PSD3: variants seen among roughly 807,000 people sequenced by gnomAD.
PSD3 encodes PH and SEC7 domain-containing protein 3.
In PSD3, 49 loss-of-function variants were observed where a neutral mutation model predicts 105.5. The observed-to-expected ratio is 0.46, with a 90% confidence interval of 0.37 to 0.59. The LOEUF (loss-of-function observed/expected upper bound fraction) is 0.59. Among genes scored for constraint, PSD3 ranks in the 20% least tolerant of loss-of-function variants. PSD3 has a pLI of 0.00. For synonymous variants in PSD3, 557 were observed against 457.8 expected, an observed-to-expected ratio of 1.22 and a Z score of -2.77; for missense variants, 1,561 against 1,263.8, an observed-to-expected ratio of 1.24 and a Z score of -3.57.
At chr8:18,978,993 G>A (rs1309104649) in intron 1 of PSD3, among the ~76,000 whole-genome samples, 1 of 152,120 alleles carries the variant, frequency 6.6e-6, no homozygotes, top group Non-Finnish European at 1.5e-5. Context: ...AGATGCCTGT[G>A]TTCCTTCTGG....
chr8:19,060,106 G>A (rs1239637861), intron 1 of PSD3, among the ~76,000 whole-genome samples: 51 of 152,286 alleles, frequency 3.3e-4, no homozygotes, highest in Admixed American at 2.5e-3. Context: ...GAAAATCCAG[G>A]TTTTTGCTGA....
intron 10 of PSD3, among the ~76,000 whole-genome samples, chr8:18,638,242 T>G (rs539332268): frequency 1.3e-5 from 2 of 151,214 alleles, no homozygotes; most frequent in East Asian, 3.9e-4. Context: ...GTTTTTCCTC[T>G]AAGACCATGA....
intron 1 of PSD3, among the ~76,000 whole-genome samples, chr8:18,937,399 A>G (rs2129469167): frequency 6.6e-6 from 1 of 152,306 alleles, no homozygotes; most frequent in South Asian, 2.1e-4. Flanking sequence ...AAGGGTTTTA[A>G]CAGCAACGAA....
rs1206961139 is a variant in PSD3, at chr8:19,007,326, T to G, written c.21+6237A>C. 2.6e-5 allele frequency among the ~76,000 whole-genome samples: 4 copies of G among 152,048 alleles called. 1 individual carries two copies. The highest frequency in any genetic ancestry group is 5.9e-5 in the Non-Finnish European group (4 of 67,990). On this transcript the variant is annotated intron_variant, in intron 1 of 15. Transcript: ENST00000327040. ...ATGCCATCTATTAAAAAAGCACTTTTGCTGTAAAGTTGCCCTAATATAGTA... is the reference window on the plus strand; with the variant it reads ...ATGCCATCTATTAAAAAAGCACTTTGGCTGTAAAGTTGCCCTAATATAGTA...
At chr8:18,754,149 C>A (rs74722984) in intron 9 of PSD3, among the ~76,000 whole-genome samples, 1 of 152,122 alleles carries the variant, frequency 6.6e-6, no homozygotes, top group Non-Finnish European at 1.5e-5. Flanking sequence ...TTTGGGAAGC[C>A]GAGGTGGGTG....
intron 8 of PSD3, among the ~76,000 whole-genome samples, chr8:18,789,698 C>T (rs1234057182): frequency 6.6e-6 from 1 of 152,070 alleles, no homozygotes; most frequent in Non-Finnish European, 1.5e-5. Flanking sequence ...AAGGACTAAC[C>T]AAACAATTTT....
At chr8:18,754,674 G>T (rs1585848900) in intron 9 of PSD3, among the ~76,000 whole-genome samples, 1 of 152,010 alleles carries the variant, frequency 6.6e-6, no homozygotes, top group Non-Finnish European at 1.5e-5. Flanking sequence ...AATTTGTGAG[G>T]TCAGTTATTA....
intron 10 of PSD3, among the ~76,000 whole-genome samples, chr8:18,640,636 A>G (rs1173799830): frequency 1.3e-5 from 2 of 152,138 alleles, no homozygotes; most frequent in African/African-American, 4.8e-5. Context: ...CCTCTGCGGA[A>G]CTGTGAGTCA....
intron 1 of PSD3, among the ~76,000 whole-genome samples, chr8:19,012,546 T>A (rs1827001032): frequency 6.6e-6 from 1 of 152,158 alleles, no homozygotes; most frequent in Non-Finnish European, 1.5e-5. Context: ...AGCTCCTCTC[T>A]GAGAACTTCC....
At position 18,998,476 on chromosome 8, in the gene PSD3, G is replaced by A. The variant is rs930760515; in HGVS notation, c.21+15087C>T. On this transcript the variant is annotated intron_variant, in intron 1 of 15. Coordinates refer to ENST00000327040, the MANE Select transcript of PSD3 (RefSeq NM_015310.4). Reference sequence around the variant, plus strand: ...GCCGAGGCGGGTGGATCACAAGGTCGGGAGATTGAGACCATCCTGGCTAAC... The same window carrying A: ...GCCGAGGCGGGTGGATCACAAGGTCAGGAGATTGAGACCATCCTGGCTAAC... Among the ~76,000 whole-genome samples, 15 of 151,900 alleles carry A rather than the reference G, an allele frequency of 9.9e-5. 1 individual carries two copies. The highest frequency in any genetic ancestry group is 1.6e-4 in the Non-Finnish European group (11 of 67,922).
chr8:18,932,722 C>T (rs558536776), intron 2 of PSD3, among the ~76,000 whole-genome samples: 5 of 152,170 alleles, frequency 3.3e-5, no homozygotes, highest in African/African-American at 1.2e-4. Context: ...CATGATATGG[C>T]CCTTTTCTAA....
At chr8:18,637,403 T>C (rs532127743) in intron 10 of PSD3, among the ~76,000 whole-genome samples, 1 of 152,342 alleles carries the variant, frequency 6.6e-6, no homozygotes, top group Non-Finnish European at 1.5e-5. Flanking sequence ...TATAGAGTCA[T>C]GTACCCACTA....
intron 4 of PSD3, among the ~76,000 whole-genome samples, chr8:18,864,364 A>G (rs532277800): frequency 6.6e-5 from 10 of 152,314 alleles, no homozygotes; most frequent in African/African-American, 2.4e-4. Flanking sequence ...TCTTCCCCCT[A>G]TAGCTCATTA....
chr8:18,619,930 C>T (rs1353459808), intron 11 of PSD3, among the ~76,000 whole-genome samples: 4 of 152,184 alleles, frequency 2.6e-5, no homozygotes, highest in Non-Finnish European at 5.9e-5. Context: ...GCCAGGCCTT[C>T]CCTTTCTAGG....
chr8:18,917,395 G>C (rs1820694556), intron 2 of PSD3, among the ~76,000 whole-genome samples: 1 of 152,044 alleles, frequency 6.6e-6, no homozygotes, highest in Non-Finnish European at 1.5e-5. Context: ...AGTGATCATG[G>C]CACGACACAG....
intron 4 of PSD3, among the ~76,000 whole-genome samples, chr8:18,856,491 C>T (rs1028400857): frequency 4.6e-5 from 7 of 152,182 alleles, no homozygotes; most frequent in African/African-American, 9.7e-5. Flanking sequence ...ATTAATACTA[C>T]GTGCTGAATC....
chr8:18,630,399 C>G (rs966710403), intron 11 of PSD3, among the ~76,000 whole-genome samples: 3 of 151,862 alleles, frequency 2.0e-5, no homozygotes, highest in South Asian at 2.1e-4. Context: ...AGCTTCTACC[C>G]GGAGAATCCT....
At chr8:19,073,786 TTTTTTC>T (rs1231380273) in intron 1 of PSD3, among the ~76,000 whole-genome samples, 2 of 106,126 alleles carry the variant, frequency 1.9e-5, no homozygotes, top group Non-Finnish European at 4.4e-5. Flanking sequence ...AGAATTGTGT[TTTTTTC>T]TTTTTCTTTT....
intron 1 of PSD3, among the ~76,000 whole-genome samples, chr8:19,011,543 T>G (rs1488001757): frequency 6.6e-6 from 1 of 152,228 alleles, no homozygotes; most frequent in Non-Finnish European, 1.5e-5. Flanking sequence ...TTACTTTATT[T>G]TTTTATTTCC....
Sources: allele counts gnomAD v4.1 joint callset (sites outside exome capture counted in the v4.1 genomes callset), GRCh38; gene constraint gnomAD v4.1.1; transcripts MANE v1.5; gene names NCBI Gene and HGNC (gene_info 2026-07-23, HGNC 2026-07-21).